CDYL2: variants seen among roughly 807,000 people sequenced by gnomAD.
The protein encoded by CDYL2 is chromodomain Y-like protein 2.
CDYL2 carries 23 observed loss-of-function variants against 49.4 expected under a neutral mutation model. That is an observed-to-expected ratio of 0.47 (90% CI 0.34 to 0.66). The LOEUF (loss-of-function observed/expected upper bound fraction) is 0.66. Among genes scored for constraint, CDYL2 ranks in the 30% least tolerant of loss-of-function variants. The pLI, the probability that CDYL2 is intolerant of heterozygous loss-of-function variation, is 0.01. For missense variants in CDYL2, 678 were observed against 656.4 expected (o/e 1.03, Z -0.36); for synonymous variants, 360 against 268.8 (o/e 1.34, Z -3.32).
chr16:80,804,283 G>A lies in CDYL2; in HGVS notation c.-110C>T. 4.0e-6 allele frequency: 4 copies of A among 1,000,716 alleles called. No homozygotes were observed. The highest frequency in any genetic ancestry group is 2.0e-5 in the South Asian group (1 of 50,560). The allele number at this position is 1,000,716 out of a possible 1,614,324, so 62.0% of individuals were successfully genotyped here. A position where few individuals can be genotyped will look rare whatever the true frequency, so the allele number is the denominator to read the frequency against. The stretch of plus-strand genomic sequence containing the variant: ...CGTGTGTGTGCGCGCGTGTGTGTGC[G>A]AGTGTGTGTGGTGTGTTGAGTAAAC... On this transcript the variant is annotated 5_prime_UTR_variant, in exon 1 of 7. Transcript: ENST00000570137.
At position 80,804,183 on chromosome 16, in the gene CDYL2, C is replaced by A; in HGVS notation, c.-10G>T. On this transcript the variant is annotated 5_prime_UTR_variant, in exon 1 of 7. Coordinates refer to ENST00000570137, the MANE Select transcript of CDYL2 (RefSeq NM_152342.4). ...GGTCCCCAGAAGCCATGCCAGGCTG[C>A]GGAACTTGGCTCGCCGGTGTGCGCG... 1.5e-6 allele frequency: 2 copies of A among 1,323,342 alleles called. No individual in the cohort carries two copies. Among genetic ancestry groups the A allele is most frequent in the Non-Finnish European group, 2.0e-6 (2 of 1,008,002 alleles). The allele number at this position is 1,323,342 out of a possible 1,614,324, so 82.0% of individuals were successfully genotyped here.
At chr16:80,629,212 G>A (rs543916994) in intron 3 of CDYL2, among the ~76,000 whole-genome samples, 1 of 152,264 alleles carries the variant, frequency 6.6e-6, no homozygotes, top group African/African-American at 2.4e-5. Context: ...CTGCATTTCT[G>A]GAAGATCATT....
At chr16:80,754,396 G>A (rs556932273) in intron 1 of CDYL2, among the ~76,000 whole-genome samples, 8 of 152,262 alleles carry the variant, frequency 5.3e-5, no homozygotes, top group South Asian at 2.1e-4. Flanking sequence ...CACAAGCAAA[G>A]GCCACCCTAA....
At chr16:80,709,996 C>T (rs1904539846) in intron 1 of CDYL2, among the ~76,000 whole-genome samples, 1 of 151,052 alleles carries the variant, frequency 6.6e-6, no homozygotes, top group South Asian at 2.1e-4. Flanking sequence ...GGTGCTATCT[C>T]GGCTCACTGC....
chr16:80,751,901 T>C (rs1306411153), intron 1 of CDYL2, among the ~76,000 whole-genome samples: 2 of 151,990 alleles, frequency 1.3e-5, no homozygotes, highest in Non-Finnish European at 2.9e-5. Context: ...ACAGGATAAA[T>C]TTTCTCAGGA....
At chr16:80,776,218 C>G (rs1907077805) in intron 1 of CDYL2, among the ~76,000 whole-genome samples, 1 of 152,078 alleles carries the variant, frequency 6.6e-6, no homozygotes, top group South Asian at 2.1e-4. Flanking sequence ...TGTCAATTTT[C>G]AAACATCAAA....
At chr16:80,670,128 T>C (rs1909439141) in intron 2 of CDYL2, among the ~76,000 whole-genome samples, 1 of 152,228 alleles carries the variant, frequency 6.6e-6, no homozygotes, top group South Asian at 2.1e-4. Flanking sequence ...ATTTCCTGTC[T>C]TCTTTTCCCT....
chr16:80,662,871 T>C, intron 2 of CDYL2: 1 of 432,084 alleles, frequency 2.3e-6, no homozygotes. Flanking sequence ...CACCACCAGA[T>C]GGATTCTTAA....
At chr16:80,678,321 G>A (rs1909838660) in intron 2 of CDYL2, among the ~76,000 whole-genome samples, 1 of 152,048 alleles carries the variant, frequency 6.6e-6, no homozygotes, top group Non-Finnish European at 1.5e-5. Flanking sequence ...AGAGTGAACA[G>A]GCAACCCACA....
chr16:80,662,018 C>G (rs1324633767), intron 2 of CDYL2, among the ~76,000 whole-genome samples: 1 of 152,182 alleles, frequency 6.6e-6, no homozygotes, highest in Non-Finnish European at 1.5e-5. Flanking sequence ...AATAATGTTC[C>G]TAGTATGTTC....
At chr16:80,657,976 G>C (rs944706450) in intron 2 of CDYL2, among the ~76,000 whole-genome samples, 7 of 151,778 alleles carry the variant, frequency 4.6e-5, no homozygotes, top group Non-Finnish European at 7.4e-5. Flanking sequence ...AAAAAAGAAA[G>C]AGCTATCTCT....
chr16:80,749,292 T>A (rs1295949266), intron 1 of CDYL2, among the ~76,000 whole-genome samples: 3 of 152,222 alleles, frequency 2.0e-5, no homozygotes, highest in African/African-American at 7.2e-5. Context: ...GTTGAAAACA[T>A]ATAAAAGTTA....
intron 5 of CDYL2, among the ~76,000 whole-genome samples, chr16:80,610,649 T>A (rs1232419573): frequency 6.6e-6 from 1 of 152,134 alleles, no homozygotes; most frequent in Non-Finnish European, 1.5e-5. Flanking sequence ...CACTGGCATG[T>A]GACTCTGGGC....
rs1177695300 is a variant in CDYL2, at chr16:80,633,193, C to T, written c.660G>A (p.Val220=). 2 of 1,614,092 alleles carry T rather than the reference C, an allele frequency of 1.2e-6. No homozygotes were observed. The highest frequency in any genetic ancestry group is 1.7e-5 in the Admixed American group (1 of 60,012). ...CCTTCTCCGCTTCCAGCTTCCTCTTCACTGGACTGTGCAGGTTCAATCCCC... is the reference window on the plus strand; with the variant it reads ...CCTTCTCCGCTTCCAGCTTCCTCTTTACTGGACTGTGCAGGTTCAATCCCC... ...TNGGLNLHSP[V]KRKLEAEKDY... Residue 220 remains valine, a synonymous_variant, in exon 3 of 7, where the codon GTG becomes GTA. Transcript: ENST00000570137.
chr16:80,605,940 T>A (rs914455434), intron 6 of CDYL2, among the ~76,000 whole-genome samples: 2 of 152,014 alleles, frequency 1.3e-5, no homozygotes, highest in African/African-American at 4.8e-5. Context: ...CACTCATGGG[T>A]AGAGGGAGCA....
In CDYL2 at chr16:80,687,860, G is replaced by A. The variant is rs143449547; in HGVS notation, c.25-2731C>T. 2.6e-3 allele frequency among the ~76,000 whole-genome samples: 402 copies of A among 152,272 alleles called. 1 individual carries two copies. Among genetic ancestry groups the A allele is most frequent in the African/African-American group, 9.3e-3 (386 of 41,542 alleles). ...TTGCGGAAAATACACAACTATGTAC[G>A]TTTGCATTCCACAGTAATCTTGCAT... On this transcript the variant is annotated intron_variant, in intron 1 of 6. Transcript: ENST00000570137.
chr16:80,610,155 C>T (rs1384374861), intron 5 of CDYL2, among the ~76,000 whole-genome samples: 2 of 152,190 alleles, frequency 1.3e-5, no homozygotes, highest in African/African-American at 4.8e-5. Context: ...CAATGCTTAT[C>T]AGCCTCACTA....
intron 1 of CDYL2, among the ~76,000 whole-genome samples, chr16:80,758,508 G>C (rs776593001): frequency 6.8e-6 from 1 of 146,868 alleles, no homozygotes; most frequent in Non-Finnish European, 1.5e-5. Context: ...ATACAAGTGT[G>C]TAAACACATA....
intron 1 of CDYL2, among the ~76,000 whole-genome samples, chr16:80,755,590 C>G (rs1906283673): frequency 6.6e-6 from 1 of 152,128 alleles, no homozygotes; most frequent in South Asian, 2.1e-4. Context: ...GAAACTTATC[C>G]CAAGCAAACA....
Sources: allele counts gnomAD v4.1 joint callset (sites outside exome capture counted in the v4.1 genomes callset), GRCh38; gene constraint gnomAD v4.1.1; transcripts MANE v1.5; gene names NCBI Gene and HGNC (gene_info 2026-07-23, HGNC 2026-07-21).